ATP6V0D2: variants seen among roughly 807,000 people sequenced by gnomAD.
ATP6V0D2 encodes the protein ATPase H+ transporting V0 subunit d2, also known as V-type proton ATPase subunit d 2.
Under a neutral mutation model 40.0 loss-of-function variants are expected in ATP6V0D2, and 40 were observed. The ratio of observed to expected loss-of-function variants is 1.00; its 90% confidence interval spans 0.78 to 1.30. The LOEUF is 1.30. Among genes scored for constraint, ATP6V0D2 ranks in the 50% most tolerant of loss-of-function variants. The pLI is 0.00. For synonymous variants in ATP6V0D2, 179 were observed against 156.3 expected, an observed-to-expected ratio of 1.15 and a Z score of -1.08; for missense variants, 470 against 423.1, an observed-to-expected ratio of 1.11 and a Z score of -0.97.
chr8:86,116,403 TACAGAC>T (rs1240712889), intron 2 of ATP6V0D2, among the ~76,000 whole-genome samples: 1 of 152,184 alleles, frequency 6.6e-6, no homozygotes, highest in East Asian at 1.9e-4. Flanking sequence ...TTTCTGTTTT[TACAGAC>T]AGAGTCTCAC....
intron 2 of ATP6V0D2, among the ~76,000 whole-genome samples, chr8:86,133,738 C>T (rs967425672): frequency 2.6e-5 from 4 of 152,064 alleles, no homozygotes; most frequent in Non-Finnish European, 2.9e-5. Context: ...TACCCTTACC[C>T]GGCTGTAAGT....
chr8:86,126,260 ATATC>A (rs1563560579), intron 2 of ATP6V0D2, among the ~76,000 whole-genome samples: 1 of 131,512 alleles, frequency 7.6e-6, no homozygotes, highest in South Asian at 2.5e-4. Flanking sequence ...ATATATATAT[ATATC>A]TTTTTGTATA....
rs112062843 is a variant in ATP6V0D2, at chr8:86,118,620, G to A, written c.302+4740G>A. On this transcript the variant is annotated intron_variant, in intron 2 of 7. Transcript: ENST00000285393. ...ATCTTCAATAGCTGGCATGAGAGAG[G>A]CTCTGCAAGCAGTGGTGCCTCCTGC... Among the ~76,000 whole-genome samples the A allele has an allele frequency of 5.6e-3, 858 of 152,208 alleles. 8 individuals carry two copies. The highest frequency in any genetic ancestry group is 0.02 in the African/African-American group (817 of 41,530).
intron 2 of ATP6V0D2, among the ~76,000 whole-genome samples, chr8:86,118,260 G>T (rs1435204628): frequency 6.8e-6 from 1 of 147,490 alleles, no homozygotes; most frequent in Admixed American, 6.8e-5. Context: ...TTTTAGTAGA[G>T]ATAGGGTTTC....
chr8:86,117,453 A>C (rs1230644574), intron 2 of ATP6V0D2, among the ~76,000 whole-genome samples: 1 of 152,212 alleles, frequency 6.6e-6, no homozygotes, highest in East Asian at 1.9e-4. Context: ...CCATTTCTGT[A>C]AGTAAGCAAG....
chr8:86,098,912 A>T lies in ATP6V0D2; in HGVS notation c.-67A>T, dbSNP rs1231408350. 1 of 1,552,516 alleles carries T rather than the reference A, an allele frequency of 6.4e-7. No individual in the cohort carries two copies. The highest frequency in any genetic ancestry group is 2.3e-5 in the East Asian group (1 of 43,652). ...ACTCGCACTTTTCCCAGGCTAGTGCAAATCTTCAGGGGCCGTCCAGGACTA... is the reference window on the plus strand; with the variant it reads ...ACTCGCACTTTTCCCAGGCTAGTGCTAATCTTCAGGGGCCGTCCAGGACTA... On this transcript the variant is annotated 5_prime_UTR_variant, in exon 1 of 8. Transcript: ENST00000285393.
At chr8:86,145,693 C>T (rs1304373816) in intron 5 of ATP6V0D2, among the ~76,000 whole-genome samples, 1 of 152,120 alleles carries the variant, frequency 6.6e-6, no homozygotes, top group African/African-American at 2.4e-5. Flanking sequence ...AACTACTAGC[C>T]ATACTATAAG....
chr8:86,122,237 T>C (rs1818680645), intron 2 of ATP6V0D2, among the ~76,000 whole-genome samples: 1 of 152,142 alleles, frequency 6.6e-6, no homozygotes, highest in South Asian at 2.1e-4. Flanking sequence ...AATTTCTGAG[T>C]AGAGGATGAC....
chr8:86,099,301 T>A (rs556479043), intron 1 of ATP6V0D2, among the ~76,000 whole-genome samples, 193 bp downstream of exon 1: 14 of 152,312 alleles, frequency 9.2e-5, no homozygotes, highest in Admixed American at 5.9e-4. Flanking sequence ...CTATTTTTAA[T>A]CTCTAAGTGA....
chr8:86,103,106 T>C (rs184670791), intron 1 of ATP6V0D2, among the ~76,000 whole-genome samples: 4 of 151,916 alleles, frequency 2.6e-5, no homozygotes, highest in Non-Finnish European at 5.9e-5. Flanking sequence ...GGGAGGTCAT[T>C]CTGGATTAAG....
rs573743911 is a variant in ATP6V0D2, at chr8:86,129,519, G to A, written c.303-9938G>A. On this transcript the variant is annotated intron_variant, in intron 2 of 7. Coordinates refer to ENST00000285393, the MANE Select transcript of ATP6V0D2 (RefSeq NM_152565.1). ...AGGGAGACCCTGTCTCTATAAAAAA[G>A]GAAAAAAATTGGCCGGGCACAGTGT... Among the ~76,000 whole-genome samples the A allele has an allele frequency of 2.0e-5, 3 of 151,390 alleles. No individual in the cohort carries two copies. In the South Asian group the frequency reaches 6.3e-4, roughly 32 times the overall value.
Position 86,153,089 on chromosome 8 carries a change from A to G in ATP6V0D2, c.*112A>G, listed in dbSNP as rs1050831017. 4.5e-6 allele frequency: 4 copies of G among 898,394 alleles called. No individual in the cohort carries two copies. Among genetic ancestry groups the G allele is most frequent in the East Asian group, 3.0e-5 (1 of 33,776 alleles). 55.7% of individuals were successfully genotyped at this position (898,394 alleles called of 1,614,324 possible). On this transcript the variant is annotated 3_prime_UTR_variant, in exon 8 of 8. Coordinates refer to ENST00000285393, the MANE Select transcript of ATP6V0D2 (RefSeq NM_152565.1). ...AGACTACACAAAAGTAAGCCACACTATATCTTCATGAGTTGCAAATCCATG... is the reference window on the plus strand; with the variant it reads ...AGACTACACAAAAGTAAGCCACACTGTATCTTCATGAGTTGCAAATCCATG...
intron 2 of ATP6V0D2, among the ~76,000 whole-genome samples, chr8:86,125,570 C>G (rs1475540171): frequency 6.6e-6 from 1 of 152,148 alleles, no homozygotes; most frequent in Non-Finnish European, 1.5e-5. Context: ...ATTTTCACAG[C>G]AACCCTATGG....
At chr8:86,131,222 A>G (rs956482852) in intron 2 of ATP6V0D2, among the ~76,000 whole-genome samples, 3 of 152,100 alleles carry the variant, frequency 2.0e-5, no homozygotes, top group African/African-American at 7.2e-5. Flanking sequence ...GGTGGGGGGA[A>G]CGAAGTCTCA....
intron 1 of ATP6V0D2, among the ~76,000 whole-genome samples, chr8:86,103,289 G>GTTTTT (rs1238349010): frequency 7.1e-6 from 1 of 139,970 alleles, no homozygotes; most frequent in African/African-American, 2.6e-5. Context: ...GGCTAGTTTT[G>GTTTTT]TATTTTTTTT....
chr8:86,133,711 A>G (rs1490676866), intron 2 of ATP6V0D2, among the ~76,000 whole-genome samples: 1 of 152,022 alleles, frequency 6.6e-6, no homozygotes, highest in Non-Finnish European at 1.5e-5. Context: ...CAAATGCTCG[A>G]TGGGGACCCA....
chr8:86,135,527 T>C (rs1818884916), intron 2 of ATP6V0D2, among the ~76,000 whole-genome samples: 1 of 152,232 alleles, frequency 6.6e-6, no homozygotes, highest in Non-Finnish European at 1.5e-5. Flanking sequence ...GCCTCAGTTT[T>C]CCTTAATAAT....
At chr8:86,121,598 G>T (rs867857923) in intron 2 of ATP6V0D2, among the ~76,000 whole-genome samples, 4 of 121,158 alleles carry the variant, frequency 3.3e-5, no homozygotes, top group African/African-American at 1.4e-4. Context: ...AGGAGGAGGA[G>T]GAGGAGGAGG....
At chr8:86,132,986 C>T (rs1818847243) in intron 2 of ATP6V0D2, among the ~76,000 whole-genome samples, 2 of 152,104 alleles carry the variant, frequency 1.3e-5, no homozygotes, top group South Asian at 4.1e-4. Context: ...CTCTCTCCAG[C>T]ATATTTTATT....
Sources: allele counts gnomAD v4.1 joint callset (sites outside exome capture counted in the v4.1 genomes callset), GRCh38; gene constraint gnomAD v4.1.1; transcripts MANE v1.5; gene names NCBI Gene and HGNC (gene_info 2026-07-23, HGNC 2026-07-21).